Variants in KLHL1 observed in about 807,000 individuals in gnomAD.
The protein encoded by KLHL1 is kelch like family member 1.
KLHL1 carries 47 observed loss-of-function variants against 77.7 expected under a neutral mutation model. The ratio of observed to expected loss-of-function variants is 0.60; its 90% confidence interval spans 0.48 to 0.77. KLHL1 has a LOEUF of 0.77. Among genes scored for constraint, KLHL1 ranks in the 30% least tolerant of loss-of-function variants. The pLI, the probability that KLHL1 is intolerant of heterozygous loss-of-function variation, is 0.00. For synonymous variants in KLHL1, 360 were observed against 325.2 expected, an observed-to-expected ratio of 1.11 and a Z score of -1.15; for missense variants, 925 against 910.8, an observed-to-expected ratio of 1.02 and a Z score of -0.20.
At chr13:70,070,282 C>A (rs1231206344) in intron 1 of KLHL1, among the ~76,000 whole-genome samples, 3 of 151,946 alleles carry the variant, frequency 2.0e-5, no homozygotes, top group African/African-American at 7.3e-5. Flanking sequence ...CATCAAGATT[C>A]TTCACCTAGG....
At chr13:69,814,617 C>A (rs1261254345) in intron 6 of KLHL1, among the ~76,000 whole-genome samples, 1 of 151,906 alleles carries the variant, frequency 6.6e-6, no homozygotes, top group Non-Finnish European at 1.5e-5. Flanking sequence ...TACATGTGAC[C>A]AAGAAACATA....
chr13:70,012,900 A>AT (rs978453552), intron 1 of KLHL1, among the ~76,000 whole-genome samples: 5 of 101,658 alleles, frequency 4.9e-5, no homozygotes, highest in South Asian at 3.3e-4. Flanking sequence ...AAGATTCTGT[A>AT]TAAAAAAAAT....
At chr13:69,955,868 C>A (rs1883848780) in intron 3 of KLHL1, among the ~76,000 whole-genome samples, 2 of 138,952 alleles carry the variant, frequency 1.4e-5, no homozygotes, top group South Asian at 2.1e-4. Flanking sequence ...AAAATACTAG[C>A]ATATATATAT....
chr13:69,850,659 A>G (rs906761371), intron 5 of KLHL1, among the ~76,000 whole-genome samples: 4 of 151,700 alleles, frequency 2.6e-5, no homozygotes, highest in Admixed American at 2.0e-4. Flanking sequence ...GATACCAGCT[A>G]TCATATACAG....
At chr13:69,804,320 T>G (rs1180203068) in intron 6 of KLHL1, among the ~76,000 whole-genome samples, 2 of 151,742 alleles carry the variant, frequency 1.3e-5, no homozygotes, top group African/African-American at 4.8e-5. Context: ...GGGGGGGAAA[T>G]AGTAATTAAT....
intron 1 of KLHL1, among the ~76,000 whole-genome samples, chr13:70,001,581 G>GTCTATCTA (rs71116971): frequency 0.3 from 43,969 of 146,498 alleles, 7,272 homozygotes; most frequent in East Asian, 0.48. Flanking sequence ...TGATCTATGT[G>GTCTATCTA]TCTATCTATC....
At chr13:70,068,370 CA>C (rs747930110) in intron 1 of KLHL1, among the ~76,000 whole-genome samples, 5 of 115,512 alleles carry the variant, frequency 4.3e-5, no homozygotes, top group Admixed American at 1.8e-4. Flanking sequence ...AAAACAAAAA[CA>C]AAAAAAAAGG....
chr13:69,719,864 T>C (rs978234004), intron 8 of KLHL1, among the ~76,000 whole-genome samples: 7 of 151,614 alleles, frequency 4.6e-5, no homozygotes, highest in Non-Finnish European at 5.9e-5. Flanking sequence ...ACTGCAAAAA[T>C]AAGTAATATT....
chr13:69,763,034 A>T (rs971814752), intron 7 of KLHL1, among the ~76,000 whole-genome samples: 1 of 152,080 alleles, frequency 6.6e-6, no homozygotes, highest in Non-Finnish European at 1.5e-5. Context: ...ACTCTTCTGG[A>T]TGGGCATCCT....
At chr13:69,804,148 T>C (rs1010186311) in intron 6 of KLHL1, among the ~76,000 whole-genome samples, 4 of 152,290 alleles carry the variant, frequency 2.6e-5, no homozygotes, top group African/African-American at 9.6e-5. Flanking sequence ...AGATATTATA[T>C]ATAATACAAA....
intron 1 of KLHL1, among the ~76,000 whole-genome samples, chr13:70,038,754 C>G (rs976104340): frequency 6.6e-6 from 1 of 151,754 alleles, no homozygotes; most frequent in Non-Finnish European, 1.5e-5. Flanking sequence ...CCATGCCTGG[C>G]TAATTTTTGC....
At chr13:69,965,276 T>G (rs145628285) in intron 2 of KLHL1, among the ~76,000 whole-genome samples, 1 of 152,216 alleles carries the variant, frequency 6.6e-6, no homozygotes, top group South Asian at 2.1e-4. Context: ...GCTCACTTCA[T>G]GTATCTTGGT....
intron 1 of KLHL1, among the ~76,000 whole-genome samples, chr13:70,101,195 G>A (rs1192464250): frequency 6.6e-6 from 1 of 151,920 alleles, no homozygotes; most frequent in Non-Finnish European, 1.5e-5. Flanking sequence ...ATTTGAAATA[G>A]TACCATAGAA....
intron 1 of KLHL1, among the ~76,000 whole-genome samples, chr13:70,057,910 AATG>A (rs1288641154): frequency 6.6e-6 from 1 of 152,178 alleles, no homozygotes; most frequent in Admixed American, 6.5e-5. Context: ...AACACATTAA[AATG>A]ATAATTCACT....
intron 6 of KLHL1, among the ~76,000 whole-genome samples, chr13:69,830,096 CCTCACAT>C (rs1878704026): frequency 6.7e-6 from 1 of 149,858 alleles, no homozygotes; most frequent in Non-Finnish European, 1.5e-5. Flanking sequence ...AAGAATAGTA[CCTCACAT>C]CTCAATATTA....
At chr13:69,961,577 G>C (rs894143585) in intron 2 of KLHL1, 133 bp from the exon 3 acceptor site, 14 of 918,692 alleles carry the variant, frequency 1.5e-5, no homozygotes, top group Non-Finnish European at 2.3e-5. Flanking sequence ...ATTGCCTCAT[G>C]AGTTGTACTT....
chr13:69,994,439 C>A (rs1885100267), intron 1 of KLHL1, among the ~76,000 whole-genome samples: 1 of 152,102 alleles, frequency 6.6e-6, no homozygotes. Flanking sequence ...TTACCAGGAG[C>A]AGATACTTTG....
intron 1 of KLHL1, among the ~76,000 whole-genome samples, chr13:70,038,208 G>GA (rs1345256676): frequency 6.6e-6 from 1 of 152,184 alleles, no homozygotes; most frequent in Non-Finnish European, 1.5e-5. Flanking sequence ...ATGCCCTTCA[G>GA]ATCCATCCAA....
At chr13:69,888,097 C>T (rs753683279) in intron 4 of KLHL1, among the ~76,000 whole-genome samples, 16 of 152,076 alleles carry the variant, frequency 1.1e-4, no homozygotes, top group Admixed American at 9.2e-4. Flanking sequence ...TGTTGTTTGG[C>T]GAGGGCTCCT....
Sources: gnomAD v4.1 joint callset for allele counts (sites outside exome capture counted in the v4.1 genomes callset) on GRCh38, gnomAD v4.1.1 for gene constraint, MANE v1.5 for transcripts, NCBI Gene and HGNC (gene_info 2026-07-23, HGNC 2026-07-21) for gene names.